The following FCHSD2 variants were observed in gnomAD, a reference collection of about 807,000 sequenced individuals.
FCHSD2 encodes FCH and double SH3 domains 2.
A neutral mutation model predicts 108.1 loss-of-function variants in FCHSD2; 38 were observed. The observed-to-expected ratio is 0.35, with a 90% CI of 0.27 to 0.46. FCHSD2 has a LOEUF of 0.46. FCHSD2 is among the 20% of genes least tolerant of loss of function. The pLI is 1.00. For synonymous variants in FCHSD2, 279 were observed against 314.7 expected (o/e 0.89, Z 1.20); for missense variants, 751 against 897.8 (o/e 0.84, Z 2.09).
intron 3 of FCHSD2, among the ~76,000 whole-genome samples, chr11:73,082,134 G>C (rs1380569167): frequency 6.6e-6 from 1 of 151,914 alleles, no homozygotes; most frequent in Non-Finnish European, 1.5e-5. Context: ...TCAAGAGATT[G>C]AGACCATCCT....
At chr11:72,967,210 A>AC (rs1856925934) in intron 8 of FCHSD2, among the ~76,000 whole-genome samples, 1 of 151,890 alleles carries the variant, frequency 6.6e-6, no homozygotes, top group African/African-American at 2.4e-5. Flanking sequence ...AAAAAAAAAA[A>AC]AAAAAAGTTA....
At chr11:72,909,473 G>C (rs1855704986) in intron 9 of FCHSD2, among the ~76,000 whole-genome samples, 1 of 152,196 alleles carries the variant, frequency 6.6e-6, no homozygotes, top group Non-Finnish European at 1.5e-5. Flanking sequence ...TAGGAAGTGA[G>C]GAGCGTCTCT....
intron 18 of FCHSD2, 108 bp downstream of exon 18, chr11:72,841,346 A>T: frequency 1.2e-6 from 1 of 838,170 alleles, no homozygotes; most frequent in Non-Finnish European, 1.7e-6. Flanking sequence ...TCTCCAAAAA[A>T]AAAAAAAAAA....
At chr11:73,134,039 T>C (rs868484915) in intron 2 of FCHSD2, among the ~76,000 whole-genome samples, 1 of 151,936 alleles carries the variant, frequency 6.6e-6, no homozygotes, top group Non-Finnish European at 1.5e-5. Context: ...CGTAATCATA[T>C]ATGATATACA....
At chr11:73,113,435 C>A (rs1447715370) in intron 2 of FCHSD2, among the ~76,000 whole-genome samples, 1 of 118,250 alleles carries the variant, frequency 8.5e-6, no homozygotes, top group Non-Finnish European at 1.6e-5. Context: ...GTGATGTGAT[C>A]TTGGCTCACT....
chr11:73,142,094 G>A lies in FCHSD2; in HGVS notation c.-217C>T, dbSNP rs1248297767. The A allele has an allele frequency of 1.2e-5, 6 of 482,548 alleles. No individual in the cohort carries two copies. Among genetic ancestry groups the A allele is most frequent in the African/African-American group, 2.1e-5 (1 of 48,262 alleles). The allele number at this position is 482,548 out of a possible 1,614,324, so 29.9% of individuals were successfully genotyped here. ...GGAGACGAGGGAGGAGCACCGGGAAGGCTTGGGGCCCGGGCGGCCCGGGCG... is the reference window on the plus strand; with the variant it reads ...GGAGACGAGGGAGGAGCACCGGGAAAGCTTGGGGCCCGGGCGGCCCGGGCG... On this transcript the variant is annotated 5_prime_UTR_variant, in exon 1 of 20. Coordinates refer to ENST00000409418, the MANE Select transcript of FCHSD2 (RefSeq NM_014824.3).
chr11:73,106,880 G>C (rs1053153193), intron 2 of FCHSD2, among the ~76,000 whole-genome samples: 1 of 152,078 alleles, frequency 6.6e-6, no homozygotes, highest in African/African-American at 2.4e-5. Flanking sequence ...GTTGATACAA[G>C]GATGAAATTA....
At chr11:72,969,624 C>T (rs1204267285) in intron 8 of FCHSD2, among the ~76,000 whole-genome samples, 1 of 152,044 alleles carries the variant, frequency 6.6e-6, no homozygotes, top group Non-Finnish European at 1.5e-5. Flanking sequence ...CATTAAAAGA[C>T]TAGAAAAAAG....
intron 2 of FCHSD2, among the ~76,000 whole-genome samples, chr11:73,098,408 ATACTT>A (rs146033070): frequency 0.022 from 3,283 of 152,280 alleles, 73 homozygotes; most frequent in African/African-American, 0.058. Context: ...GGTAAAGAAA[ATACTT>A]TATATGATTT....
intron 3 of FCHSD2, among the ~76,000 whole-genome samples, chr11:73,074,297 C>A (rs1326321752): frequency 2.0e-5 from 3 of 152,112 alleles, no homozygotes; most frequent in Non-Finnish European, 4.4e-5. Context: ...GCTTGCAAGA[C>A]TACATAATAT....
intron 5 of FCHSD2, among the ~76,000 whole-genome samples, chr11:72,992,561 T>C (rs1019972508): frequency 2.0e-5 from 3 of 152,070 alleles, no homozygotes; most frequent in African/African-American, 4.8e-5. Flanking sequence ...AAAACAGAGA[T>C]ATAGACCAAT....
chr11:73,096,987 A>ATGTTTTT (rs1860096435), intron 2 of FCHSD2, among the ~76,000 whole-genome samples: 1 of 27,020 alleles, frequency 3.7e-5, no homozygotes, highest in Non-Finnish European at 5.6e-5. Context: ...TCATTGATGG[A>ATGTTTTT]TTTTTTTTTT....
intron 2 of FCHSD2, among the ~76,000 whole-genome samples, chr11:73,105,911 T>C (rs1017707421): frequency 3.3e-5 from 5 of 152,192 alleles, no homozygotes; most frequent in Non-Finnish European, 4.4e-5. Context: ...ACAAAGTATC[T>C]GGTAAATAAG....
At chr11:72,967,155 G>A (rs891589908) in intron 8 of FCHSD2, among the ~76,000 whole-genome samples, 5 of 150,710 alleles carry the variant, frequency 3.3e-5, no homozygotes, top group African/African-American at 1.2e-4. Context: ...AGCTGAGATC[G>A]CGCCACTGCA....
chr11:73,142,051 G>A lies in FCHSD2; in HGVS notation c.-174C>T. On this transcript the variant is annotated 5_prime_UTR_variant, in exon 1 of 20. Transcript: ENST00000409418. The stretch of plus-strand genomic sequence containing the variant: ...GCCAGCGGGCGGCAGGCGGACCCCA[G>A]CCAGAGAGCGAGTGTGAGGAGACGA... 1.7e-6 allele frequency: 1 copy of A among 599,684 alleles called. No individual in the cohort carries two copies. Among genetic ancestry groups the A allele is most frequent in the Admixed American group, 3.2e-5 (1 of 30,918 alleles). 37.1% of individuals were successfully genotyped at this position (599,684 alleles called of 1,614,324 possible).
chr11:72,843,101 A>G lies in FCHSD2; in HGVS notation c.1705+50T>C, dbSNP rs533159367. ...CTGAAGGCTTACTCCAGGGCAATAC[A>G]GTTTAGGTCAAACGTGACCAAATAA... On this transcript the variant is annotated intron_variant, in intron 16 of 19. Transcript: ENST00000409418. The G allele has an allele frequency of 2.7e-4, 423 of 1,567,696 alleles. 7 individuals carry two copies. In the South Asian group the frequency reaches 4.6e-3, roughly 17 times the overall value.
chr11:73,029,779 G>A (rs1450495738), intron 3 of FCHSD2, among the ~76,000 whole-genome samples: 13 of 152,000 alleles, frequency 8.6e-5, no homozygotes, highest in Admixed American at 8.5e-4. Flanking sequence ...GACATTGAAG[G>A]GCAATTGCAT....
chr11:72,999,051 GA>G (rs1383478088), intron 5 of FCHSD2, among the ~76,000 whole-genome samples: 1 of 152,152 alleles, frequency 6.6e-6, no homozygotes, highest in Non-Finnish European at 1.5e-5. Context: ...AAGAAAGTCT[GA>G]ATTCTAATAC....
chr11:73,082,097 G>A (rs1192419974), intron 3 of FCHSD2, among the ~76,000 whole-genome samples: 1 of 152,000 alleles, frequency 6.6e-6, no homozygotes, highest in African/African-American at 2.4e-5. Context: ...CAGCACTTTG[G>A]GAGGCCGAGG....
Sources: gnomAD v4.1 joint callset for allele counts (sites outside exome capture counted in the v4.1 genomes callset) on GRCh38, gnomAD v4.1.1 for gene constraint, MANE v1.5 for transcripts, NCBI Gene and HGNC (gene_info 2026-07-23, HGNC 2026-07-21) for gene names.